Variants in WDR91 observed in about 807,000 individuals in gnomAD.
WDR91 encodes the protein WD repeat domain 91.
Under a neutral mutation model 88.4 loss-of-function variants are expected in WDR91, and 52 were observed. The observed-to-expected ratio is 0.59, with a 90% confidence interval of 0.47 to 0.74. WDR91 has a LOEUF of 0.74. Among genes scored for constraint, WDR91 ranks in the 30% least tolerant of loss-of-function variants. The pLI, the probability that WDR91 is intolerant of heterozygous loss-of-function variation, is 0.00. For missense variants in WDR91, 824 were observed against 954.5 expected (o/e 0.86, Z 1.80); for synonymous variants, 362 against 389.5 (o/e 0.93, Z 0.83).
chr7:135,186,903 C>A, intron 14 of WDR91, 69 bp downstream of exon 14: 1 of 1,590,514 alleles, frequency 6.3e-7, no homozygotes, highest in Non-Finnish European at 8.6e-7. Flanking sequence ...GTAGCCATGG[C>A]CCAGACCTCC....
At position 135,205,796 on chromosome 7, in the gene WDR91, T is replaced by A. The variant is rs546029345; in HGVS notation, c.725+132A>T. 4 of 1,326,516 alleles carry A rather than the reference T, an allele frequency of 3.0e-6. No homozygotes were observed. In the Admixed American group the frequency reaches 8.5e-5, roughly 28 times the overall value. 82.2% of individuals were successfully genotyped at this position (1,326,516 alleles called of 1,614,324 possible). ...ATAAAGCTCTCAAGCAAGAGCAGTG[T>A]GTGCCAGGAGGCTCTTCCGCAATTC... On this transcript the variant is annotated intron_variant, in intron 5 of 14. Coordinates refer to ENST00000354475, the MANE Select transcript of WDR91 (RefSeq NM_014149.4).
chr7:135,192,345 T>C (rs1831201392), intron 11 of WDR91, among the ~76,000 whole-genome samples: 4 of 152,194 alleles, frequency 2.6e-5, no homozygotes, highest in Non-Finnish European at 5.9e-5. Flanking sequence ...CTTGAACTCC[T>C]GGCCTCAAGC....
chr7:135,201,852 T>C (rs1831582152), intron 6 of WDR91, among the ~76,000 whole-genome samples: 1 of 152,340 alleles, frequency 6.6e-6, no homozygotes, highest in South Asian at 2.1e-4. Flanking sequence ...TTAGTATCTT[T>C]GAGAGAGCAT....
In WDR91 at chr7:135,208,926, T is replaced by C; in HGVS notation, c.376A>G (p.Lys126Glu). Residue 126 changes from lysine to glutamate, a missense_variant, in exon 3 of 15, where the codon AAG becomes GAG. Transcript: ENST00000354475. The part of the protein sequence containing the change: ...ATELQNQAEW[K>E]DWFVLPFLPS... ...AGGAAGGGCAGGACAAACCAATCCT[T>C]CCACTCAGCCTGGTTCTGGAGTTCC... is the stretch of plus-strand genomic sequence containing the variant. 1 of 1,614,168 alleles carries C rather than the reference T, an allele frequency of 6.2e-7. No homozygotes were observed. The highest frequency in any genetic ancestry group is 8.5e-7 in the Non-Finnish European group (1 of 1,180,030).
In WDR91 at chr7:135,196,197, A is replaced by G. The variant is rs143418650; in HGVS notation, c.1191T>C (p.Ile397=). 918 of 1,606,882 alleles carry G rather than the reference A, an allele frequency of 5.7e-4. 1 individual carries two copies. The highest frequency in any genetic ancestry group is 4.0e-3 in the Middle Eastern group (24 of 6,026). The part of the protein sequence containing the change: ...GGGVRPEQPF[I]VLGQEEYGEH... ...CCCCGTACTCCTCCTGTCCCAGCAC[A>G]ATAAAGGGCTGCTCGGGGCGGACTC... is the stretch of plus-strand genomic sequence containing the variant. The change falls in exon 8 of 15, where the codon ATT becomes ATC. Residue 397 remains isoleucine, a synonymous_variant. Coordinates refer to ENST00000354475, the MANE Select transcript of WDR91 (RefSeq NM_014149.4). The surrounding 1 kb of genome is among the most constrained non-coding windows in gnomAD (Gnocchi z 4.2).
Position 135,186,563 on chromosome 7 carries a change from C to T in WDR91, c.2080-248G>A, listed in dbSNP as rs1830950247. On this transcript the variant is annotated intron_variant, in intron 14 of 14. Transcript: ENST00000354475. ...AAGGCATTTTCTCAGCTGCCTTGAA[C>T]TTGCTGTGGGCTGGTGCCTCTTGCA... Among the ~76,000 whole-genome samples, 4 of 152,386 alleles carry T rather than the reference C, an allele frequency of 2.6e-5. No homozygotes were observed. The South Asian group carries it at 8.3e-4, about 32-fold the overall frequency.
At position 135,208,894 on chromosome 7, in the gene WDR91, G is replaced by T. The variant is rs138420976; in HGVS notation, c.408C>A (p.Ser136=). The change falls in exon 3 of 15, where the codon TCC becomes TCA. Residue 136 remains serine (S), a synonymous_variant. Coordinates refer to ENST00000354475, the MANE Select transcript of WDR91 (RefSeq NM_014149.4). ...KDWFVLPFLP[S]PDTNPTFATY... ...TAGCAAAGGTGGGGTTGGTGTCCGG[G>T]GATGGCAGGAAGGGCAGGACAAACC... 9 of 1,614,194 alleles carry T rather than the reference G, an allele frequency of 5.6e-6. No homozygotes were observed. The African/African-American group carries it at 9.3e-5, about 17-fold the overall frequency.
At chr7:135,208,193 C>T (rs1429908749) in intron 3 of WDR91, among the ~76,000 whole-genome samples, 1 of 152,204 alleles carries the variant, frequency 6.6e-6, no homozygotes, top group African/African-American at 2.4e-5. Context: ...GGAGCATGAA[C>T]AATGGCCTTG....
chr7:135,193,269 T>A lies in WDR91; in HGVS notation c.1621A>T (p.Arg541Trp), dbSNP rs1162352943. 3 of 1,614,060 alleles carry A rather than the reference T, an allele frequency of 1.9e-6. No individual in the cohort carries two copies. The highest frequency in any genetic ancestry group is 2.5e-6 in the Non-Finnish European group (3 of 1,180,050). The change falls in exon 11 of 15, where the codon AGG becomes TGG. Residue 541 changes from arginine to tryptophan, a missense_variant. Physicochemically the swap from Arg to Trp is moderately radical, Grantham distance 101. Coordinates refer to ENST00000354475, the MANE Select transcript of WDR91 (RefSeq NM_014149.4). Reference protein sequence around the residue: ...GSKGMNQVPGRLLLWDTKTMK... With the variant: ...GSKGMNQVPGWLLLWDTKTMK... ...GTTTTCGTGTCCCACAGCAGCAGCC[T>A]GCCAGGAACCTGGTTCATGCCCTTG...
At chr7:135,197,815 C>T in intron 7 of WDR91, 178 bp downstream of exon 7, 1 of 722,634 alleles carries the variant, frequency 1.4e-6, no homozygotes. Flanking sequence ...AAATGGACCA[C>T]AGAAAAGCCA....
In WDR91 at chr7:135,196,253, G is replaced by T; in HGVS notation, c.1135C>A (p.Arg379=). The T allele has an allele frequency of 6.2e-7, 1 of 1,611,732 alleles. No individual in the cohort carries two copies. Among genetic ancestry groups the T allele is most frequent in the Non-Finnish European group, 8.5e-7 (1 of 1,178,938 alleles). Residue 379 remains arginine (R), a synonymous_variant, in exon 8 of 15, where the codon CGG becomes AGG. Transcript: ENST00000354475. The surrounding 1 kb of genome is among the most constrained non-coding windows in gnomAD (Gnocchi z 4.2). ...LHTEPVEPLT[R]ASSAGPEGGG... is the part of the protein sequence containing the mutation. ...CCCTCAGGGCCTGCCGAGGATGCCCGAGTCAGTGGCTCCACTGGCTCCGTG... is the reference window on the plus strand; with the variant it reads ...CCCTCAGGGCCTGCCGAGGATGCCCTAGTCAGTGGCTCCACTGGCTCCGTG...
chr7:135,198,700 GA>G (rs1009764364), intron 6 of WDR91: 2 of 152,192 alleles, frequency 1.3e-5, no homozygotes, highest in African/African-American at 2.4e-5. Context: ...ATTTTTAACA[GA>G]AATTGTTGAA....
chr7:135,199,971 T>C (rs1585424113), intron 6 of WDR91: 1 of 152,288 alleles, frequency 6.6e-6, no homozygotes, highest in South Asian at 2.1e-4. Flanking sequence ...CAAGTCAAGA[T>C]AGCAAGGAAG....
Position 135,196,967 on chromosome 7 carries a change from A to T in WDR91, c.1051-630T>A, listed in dbSNP as rs1388342369. On this transcript the variant is annotated intron_variant, in intron 7 of 14. Transcript: ENST00000354475. This position sits in a 1 kb window ranked among gnomAD's most constrained non-coding sequence, Gnocchi z 4.2. ...GGCCAGGAAGAAAGACAGAGACCCA[A>T]GGGCCACTGGGGGTCCAAGGCTGCC... 1 of 152,344 alleles carries T rather than the reference A, an allele frequency of 6.6e-6. No individual in the cohort carries two copies. The highest frequency in any genetic ancestry group is 1.5e-5 in the Non-Finnish European group (1 of 68,222). The allele number at this position is 152,344 out of a possible 1,614,324, so 9.4% of individuals were successfully genotyped here. A position where few individuals can be genotyped will look rare whatever the true frequency, so the allele number is the denominator to read the frequency against.
At chr7:135,211,303 A>C in intron 1 of WDR91, 77 bp downstream of exon 1, 1 of 1,521,420 alleles carries the variant, frequency 6.6e-7, no homozygotes, top group Non-Finnish European at 8.8e-7. Context: ...CTCGCCCCGG[A>C]GGCAGTGCTG....
Position 135,186,022 on chromosome 7 carries a change from G to T in WDR91, c.*129C>A. 8.9e-7 allele frequency: 1 copy of T among 1,128,588 alleles called. No individual in the cohort carries two copies. Among genetic ancestry groups the T allele is most frequent in the Non-Finnish European group, 1.2e-6 (1 of 831,412 alleles). 69.9% of individuals were successfully genotyped at this position (1,128,588 alleles called of 1,614,324 possible). On this transcript the variant is annotated 3_prime_UTR_variant, in exon 15 of 15. Coordinates refer to ENST00000354475, the MANE Select transcript of WDR91 (RefSeq NM_014149.4). ...CAGATGGAAGCACCTGAGCCTCCTT[G>T]CCAGTCTTTCCCTGCAGAGTCACTG...
Position 135,211,514 on chromosome 7 carries a change from C to A in WDR91, c.-12G>T. The A allele has an allele frequency of 1.9e-6, 3 of 1,608,440 alleles. No homozygotes were observed. Among genetic ancestry groups the A allele is most frequent in the Non-Finnish European group, 2.5e-6 (3 of 1,178,742 alleles). On this transcript the variant is annotated 5_prime_UTR_variant, in exon 1 of 15. Coordinates refer to ENST00000354475, the MANE Select transcript of WDR91 (RefSeq NM_014149.4). ...ACGGCCTCCGCCATCGCAGCGCTAG[C>A]GTCTTTAGGGGTGGTGCGGTGAGGG...
chr7:135,205,386 A>G (rs112327131), intron 5 of WDR91, among the ~76,000 whole-genome samples: 2,978 of 152,166 alleles, frequency 0.02, 106 homozygotes, highest in African/African-American at 0.067. Context: ...GCAGTTCCCC[A>G]CCTCTAGGCA....
intron 7 of WDR91, chr7:135,197,687 A>G: frequency 4.0e-6 from 1 of 252,222 alleles, no homozygotes; most frequent in Non-Finnish European, 7.6e-6. Flanking sequence ...AATTAACCTA[A>G]GGGAAGGATG....
Sources: allele counts gnomAD v4.1 joint callset (sites outside exome capture counted in the v4.1 genomes callset), GRCh38; gene constraint gnomAD v4.1.1; non-coding constraint Gnocchi (gnomAD v3.1); transcripts MANE v1.5; gene names NCBI Gene and HGNC (gene_info 2026-07-23, HGNC 2026-07-21).